Variants in GABRA3 observed in about 807,000 individuals in gnomAD.
GABRA3 encodes gamma-aminobutyric acid type A receptor subunit alpha3.
In GABRA3, 10 loss-of-function variants were observed where a neutral mutation model predicts 30.1. The observed-to-expected ratio is 0.33, with a 90% CI of 0.20 to 0.56. GABRA3 has a LOEUF of 0.56. Among genes scored for constraint, GABRA3 ranks in the 20% least tolerant of loss-of-function variants. The pLI is 0.89. For synonymous variants in GABRA3, 151 were observed against 146.8 expected (o/e 1.03, Z -0.21); for missense variants, 233 against 392.0 (o/e 0.59, Z 3.42).
intron 3 of GABRA3, among the ~76,000 whole-genome samples, chrX:152,289,441 GC>G (rs1189914385): frequency 9.2e-6 from 1 of 108,210 alleles, no homozygotes; most frequent in Non-Finnish European, 1.9e-5. Flanking sequence ...CATACTAAAT[GC>G]CCCGACTTAT....
chrX:152,407,640 TCAAA>T (rs1929968878), intron 1 of GABRA3, among the ~76,000 whole-genome samples: 1 of 111,647 alleles, frequency 9.0e-6, no homozygotes, highest in African/African-American at 3.3e-5. Flanking sequence ...CCGAATTCTA[TCAAA>T]CATTTAAAGA....
At chrX:152,196,818 C>T (rs1228876949) in intron 8 of GABRA3, among the ~76,000 whole-genome samples, 1 of 112,215 alleles carries the variant, frequency 8.9e-6, no homozygotes, top group Non-Finnish European at 1.9e-5. Flanking sequence ...TTCTCTTTCT[C>T]CACTGCTATC....
At chrX:152,334,763 A>C (rs1036680064) in intron 3 of GABRA3, among the ~76,000 whole-genome samples, 1 of 111,605 alleles carries the variant, frequency 9.0e-6, no homozygotes. Context: ...AAAATCAAAA[A>C]AAAATTATTC....
chrX:152,444,265 T>C (rs771390872), intron 1 of GABRA3, among the ~76,000 whole-genome samples: 1 of 111,527 alleles, frequency 9.0e-6, no homozygotes, highest in Non-Finnish European at 1.9e-5. Context: ...ACACTGAAGA[T>C]AGAAGTGTCT....
rs780821556 is a variant in GABRA3 at position 152,328,646 on chromosome X, A to G, written c.262+16935T>C. On this transcript the variant is annotated intron_variant, in intron 3 of 9. Transcript: ENST00000370314. ...CAGAAAACGCCTTTGACAATATTCA[A>G]CAGCCCTTCATGCTAAAAACTCCCA... 4.5e-5 allele frequency among the ~76,000 whole-genome samples: 5 copies of G among 112,073 alleles called. No homozygotes were observed. The South Asian group carries it at 1.1e-3, about 25-fold the overall frequency.
rs979947582 is a variant in GABRA3, at chrX:152,168,272, C to T, written c.1435G>A (p.Val479Ile). Reference protein sequence around the residue: ...IFNLVYWATYVNRESAIKGMI... With the variant: ...IFNLVYWATYINRESAIKGMI... ...CCCTTGATAGCTGACTCCCGGTTGA[C>T]ATATGTGGCCCAATAGACCAGATTG... Residue 479 changes from valine (V) to isoleucine (I), a missense_variant, in exon 10 of 10, where the codon GTC (valine) becomes ATC (isoleucine). Transcript: ENST00000370314. 1 of 1,209,767 alleles carries T rather than the reference C, an allele frequency of 8.3e-7. No homozygotes were observed. Among genetic ancestry groups the T allele is most frequent in the African/African-American group, 1.8e-5 (1 of 57,107 alleles).
At chrX:152,172,363 C>T (rs1292993435) in intron 9 of GABRA3, among the ~76,000 whole-genome samples, 1 of 111,421 alleles carries the variant, frequency 9.0e-6, no homozygotes, top group African/African-American at 3.3e-5. Context: ...TAAAATGGTG[C>T]AACCACTATG....
chrX:152,395,303 C>A (rs924398861), intron 1 of GABRA3, among the ~76,000 whole-genome samples: 13 of 111,146 alleles, frequency 1.2e-4, no homozygotes, highest in African/African-American at 4.3e-4. Flanking sequence ...TCTGCAGGAG[C>A]CAGTGACCAC....
chrX:152,425,375 C>T lies in GABRA3; in HGVS notation c.-27+25771G>A, dbSNP rs763673390. Among the ~76,000 whole-genome samples, 95 of 110,956 alleles carry T rather than the reference C, an allele frequency of 8.6e-4. 1 individual carries two copies. The highest frequency in any genetic ancestry group is 3.8e-4 in the Admixed American group (4 of 10,418). ...TACGTTTCAACAATTGTCCCAATAA[C>T]GCTCTCTATAGTGATTTTTACCCGT... On this transcript the variant is annotated intron_variant, in intron 1 of 9. Coordinates refer to ENST00000370314, the MANE Select transcript of GABRA3 (RefSeq NM_000808.4).
intron 9 of GABRA3, 66 bp downstream of exon 9, chrX:152,189,664 C>T: frequency 1.2e-6 from 1 of 816,571 alleles, no homozygotes; most frequent in Non-Finnish European, 1.8e-6. Flanking sequence ...CTATAGGCTG[C>T]CCACTCCTGG....
intron 1 of GABRA3, among the ~76,000 whole-genome samples, chrX:152,423,184 A>G (rs189412156): frequency 7.0e-4 from 79 of 112,060 alleles, no homozygotes; most frequent in Non-Finnish European, 1.3e-3. Context: ...GCACCAAAAC[A>G]CTGGTGATAG....
intron 1 of GABRA3, among the ~76,000 whole-genome samples, chrX:152,419,488 A>C (rs1930321193): frequency 9.0e-6 from 1 of 111,397 alleles, no homozygotes; most frequent in Admixed American, 9.5e-5. Flanking sequence ...TTTAAAATGG[A>C]CTTTATGCCA....
intron 3 of GABRA3, among the ~76,000 whole-genome samples, chrX:152,289,467 CCTT>C (rs1939358271): frequency 9.1e-6 from 1 of 110,438 alleles, no homozygotes; most frequent in Non-Finnish European, 1.9e-5. Context: ...ATTATGTCTC[CCTT>C]CTTTTTTTTT....
At chrX:152,433,706 CAA>C (rs199848886) in intron 1 of GABRA3, among the ~76,000 whole-genome samples, 1,238 of 58,414 alleles carry the variant, frequency 0.021, 16 homozygotes, top group African/African-American at 0.054. Flanking sequence ...GAAGGAAGAC[CAA>C]AAAAAAAAAA....
chrX:152,192,461 C>T (rs1428434977), intron 8 of GABRA3, among the ~76,000 whole-genome samples: 1 of 111,467 alleles, frequency 9.0e-6, no homozygotes, highest in Non-Finnish European at 1.9e-5. Context: ...AGCCAAGTAG[C>T]CCACTGTACC....
At position 152,197,727 on chromosome X, in the gene GABRA3, C is replaced by G. The variant is rs906234395; in HGVS notation, c.837G>C (p.Val279=). Residue 279 remains valine, a synonymous_variant, in exon 8 of 10, where the codon GTG becomes GTC. Transcript: ENST00000370314. The part of the protein sequence containing the change: ...FHLKRKIGYF[V]IQTYLPCIMT... ...TGATACATGGCAAGTAGGTCTGGAT[C>G]ACAAAGTAGCCAATTTTTCGCTTGA... 2.5e-6 allele frequency: 3 copies of G among 1,207,297 alleles called. No individual in the cohort carries two copies. Among genetic ancestry groups the G allele is most frequent in the Non-Finnish European group, 3.4e-6 (3 of 892,865 alleles).
chrX:152,167,930 A>G lies in GABRA3; in HGVS notation c.*298T>C, dbSNP rs1029827319. ...CTCTTGTTCTTTTTGCAGCGGGCAG[A>G]GTGCAATAAAATACATGCAGTGCCC... On this transcript the variant is annotated 3_prime_UTR_variant, in exon 10 of 10. Transcript: ENST00000370314. 1.6e-5 allele frequency: 5 copies of G among 321,723 alleles called. No homozygotes were observed. Among genetic ancestry groups the G allele is most frequent in the Non-Finnish European group, 2.7e-5 (5 of 184,884 alleles). 26.5% of individuals were successfully genotyped at this position (321,723 alleles called of 1,213,427 possible). A position where few individuals can be genotyped will look rare whatever the true frequency, so the allele number is the denominator to read the frequency against.
chrX:152,428,925 T>A (rs758759603), intron 1 of GABRA3, among the ~76,000 whole-genome samples: 1 of 111,197 alleles, frequency 9.0e-6, no homozygotes, highest in South Asian at 3.8e-4. Flanking sequence ...AATAGACCAC[T>A]GAAAATGAAG....
At chrX:152,366,658 A>G (rs1202762573) in intron 1 of GABRA3, among the ~76,000 whole-genome samples, 1 of 112,663 alleles carries the variant, frequency 8.9e-6, no homozygotes, top group Non-Finnish European at 1.9e-5. Context: ...TGTGACAGTG[A>G]AACAAAGAGC....
Sources: gnomAD v4.1 joint callset for allele counts (sites outside exome capture counted in the v4.1 genomes callset) on GRCh38, gnomAD v4.1.1 for gene constraint, MANE v1.5 for transcripts, NCBI Gene and HGNC (gene_info 2026-07-23, HGNC 2026-07-21) for gene names.